ACSM3: variants seen among roughly 807,000 people sequenced by gnomAD.
The protein encoded by ACSM3 is acyl-coenzyme A synthetase ACSM3, mitochondrial.
In ACSM3, 61 loss-of-function variants were observed where a neutral mutation model predicts 74.1. The observed-to-expected ratio is 0.82, with a 90% CI of 0.67 to 1.02. The LOEUF is 1.02. ACSM3 is among the 50% of genes least tolerant of loss of function. The pLI is 0.00. For missense variants in ACSM3, 660 were observed against 697.0 expected, an observed-to-expected ratio of 0.95 and a Z score of 0.60; for synonymous variants, 213 against 241.5, an observed-to-expected ratio of 0.88 and a Z score of 1.09.
chr16:20,741,646 C>G (rs1596494360), intron 1 of ACSM3: 14 of 1,583,092 alleles, frequency 8.8e-6, no homozygotes, highest in South Asian at 1.2e-5. Flanking sequence ...CCGCCAGCGT[C>G]GCAGCGCCGA....
intron 1 of ACSM3, chr16:20,742,166 T>G: frequency 1.3e-6 from 1 of 757,670 alleles, no homozygotes; most frequent in East Asian, 6.4e-5. Flanking sequence ...GTGGACACAA[T>G]GGTCAAGTCC....
At chr16:20,752,286 C>T (rs1268442664) in intron 2 of ACSM3, among the ~76,000 whole-genome samples, 1 of 152,128 alleles carries the variant, frequency 6.6e-6, no homozygotes, top group African/African-American at 2.4e-5. Flanking sequence ...CAGAGGATCA[C>T]TTGAGCCCAG....
At chr16:20,677,606 G>A (rs952907664) in intron 1 of ACSM3, among the ~76,000 whole-genome samples, 14 of 152,176 alleles carry the variant, frequency 9.2e-5, no homozygotes, top group African/African-American at 3.4e-4. Context: ...TGACAGATAG[G>A]CCCCTTGGGG....
intron 1 of ACSM3, among the ~76,000 whole-genome samples, chr16:20,706,961 C>T (rs1596482077): frequency 6.6e-6 from 1 of 152,114 alleles, no homozygotes; most frequent in African/African-American, 2.4e-5. Flanking sequence ...TCAGCAGCAA[C>T]CCAAGAGCAA....
chr16:20,729,082 T>C (rs995043662), intron 1 of ACSM3: 2 of 416,232 alleles, frequency 4.8e-6, no homozygotes, highest in African/African-American at 4.0e-5. Flanking sequence ...CAGTCCAGCA[T>C]GGGCAACAGA....
upstream of ACSM3, among the ~76,000 whole-genome samples, chr16:20,759,559 CA>C (rs35117717): frequency 0.24 from 17,900 of 76,114 alleles, 965 homozygotes; most frequent in East Asian, 0.35. Flanking sequence ...GACTCCATCT[CA>C]AAAAAAAAAA....
chr16:20,783,335 G>C (rs1043860079), intron 7 of ACSM3: 49 of 152,196 alleles, frequency 3.2e-4, no homozygotes, highest in African/African-American at 1.1e-3. Context: ...AGTACAGGTT[G>C]AGTATCCCTT....
intron 13 of ACSM3, 26 bp downstream of exon 13, chr16:20,796,515 T>A: frequency 6.2e-7 from 1 of 1,609,230 alleles, no homozygotes; most frequent in Non-Finnish European, 8.5e-7. Context: ...ATAACGAATA[T>A]TTGCTCAGTG....
intron 13 of ACSM3, 184 bp from the exon 14 acceptor site, chr16:20,796,702 A>G: frequency 6.7e-7 from 1 of 1,481,814 alleles, no homozygotes; most frequent in Non-Finnish European, 8.9e-7. Context: ...ACTCACAGTA[A>G]ATACTTAATA....
At chr16:20,792,193 C>G in intron 11 of ACSM3, 43 bp from the exon 12 acceptor site, 2 of 1,613,860 alleles carry the variant, frequency 1.2e-6, no homozygotes, top group Non-Finnish European at 1.7e-6. Context: ...CTAGAGTGAA[C>G]CTGCCACTCA....
intron 2 of ACSM3, among the ~76,000 whole-genome samples, chr16:20,772,039 G>T (rs1245745938): frequency 6.6e-6 from 1 of 152,100 alleles, no homozygotes; most frequent in African/African-American, 2.4e-5. Flanking sequence ...TGTCTTTTGA[G>T]AAATGTCTAT....
rs564108348 is a variant in ACSM3, at chr16:20,781,012, A to G, written c.821A>G (p.Asn274Ser). 7.4e-6 allele frequency: 12 copies of G among 1,614,074 alleles called. No individual in the cohort carries two copies. The highest frequency in any genetic ancestry group is 1.7e-5 in the Admixed American group (1 of 60,006). ...TTGACACCCTCAGATGTGATGTGGA[A>G]TACCTCAGATACGGGCTGGGCAAAG... is the stretch of plus-strand genomic sequence containing the variant. ...LDLTPSDVMWNTSDTGWAKSA... is the reference protein window; with the variant it reads ...LDLTPSDVMWSTSDTGWAKSA... Residue 274 changes from asparagine (N) to serine (S), a missense_variant, in exon 6 of 14, where the codon AAT becomes AGT. By Grantham distance (46) the Asn-to-Ser change is conservative (BLOSUM62 1). Transcript: ENST00000289416.
rs574695740 is a variant in ACSM3 at position 20,797,088 on chromosome 16, A to C, written c.*116A>C. On this transcript the variant is annotated 3_prime_UTR_variant, in exon 14 of 14. Transcript: ENST00000289416. ...GTGGTAGTATGCTTAGAAACTGTTG[A>C]TTTAAAATATCTTGTGGTTATGATA... The C allele has an allele frequency of 1.4e-6, 2 of 1,423,292 alleles. No homozygotes were observed. The highest frequency in any genetic ancestry group is 5.5e-5 in the East Asian group (2 of 36,618). The allele number at this position is 1,423,292 out of a possible 1,614,324, so 88.2% of individuals were successfully genotyped here.
intron 1 of ACSM3, among the ~76,000 whole-genome samples, chr16:20,675,974 A>G (rs1428219894): frequency 2.0e-5 from 3 of 152,234 alleles, no homozygotes; most frequent in Non-Finnish European, 4.4e-5. Context: ...CGGAGACAAA[A>G]GAAAAGTCTC....
chr16:20,682,353 C>G, intron 1 of ACSM3: 1 of 1,614,058 alleles, frequency 6.2e-7, no homozygotes, highest in Admixed American at 1.7e-5. Flanking sequence ...ATGGAGTCCA[C>G]CTCTGAGGCA....
chr16:20,685,076 G>A, intron 1 of ACSM3: 1 of 1,050,564 alleles, frequency 9.5e-7, no homozygotes, highest in Non-Finnish European at 1.4e-6. Context: ...ACAGAAACTG[G>A]GGCGAAGGCT....
intron 1 of ACSM3, among the ~76,000 whole-genome samples, chr16:20,710,804 G>T (rs944680062): frequency 6.6e-6 from 1 of 152,080 alleles, no homozygotes; most frequent in African/African-American, 2.4e-5. Flanking sequence ...AATAATTTAG[G>T]TCGAGTGCAG....
intron 1 of ACSM3, chr16:20,738,738 T>C: frequency 1.3e-6 from 1 of 776,676 alleles, no homozygotes. Context: ...CACCCCATTC[T>C]ACCTCTCCAC....
At chr16:20,748,000 G>C (rs1156547309) in intron 1 of ACSM3, among the ~76,000 whole-genome samples, 1 of 152,110 alleles carries the variant, frequency 6.6e-6, no homozygotes, top group South Asian at 2.1e-4. Flanking sequence ...ACTTAGGTGT[G>C]GTGGTGCACA....
Sources: gnomAD v4.1 joint callset for allele counts (sites outside exome capture counted in the v4.1 genomes callset) on GRCh38, gnomAD v4.1.1 for gene constraint, MANE v1.5 for transcripts, NCBI Gene and HGNC (gene_info 2026-07-23, HGNC 2026-07-21) for gene names.